Variants in CRBN observed in about 807,000 individuals in gnomAD.
CRBN encodes the protein protein cereblon.
In CRBN, 53 loss-of-function variants were observed where a neutral mutation model predicts 62.2. The observed-to-expected ratio is 0.85, with a 90% CI of 0.68 to 1.07. The LOEUF is 1.07. Ranked by LOEUF, CRBN falls within the 50% of genes least tolerant of loss-of-function variation. The pLI, the probability that CRBN is intolerant of heterozygous loss-of-function variation, is 0.00. For synonymous variants in CRBN, 208 were observed against 176.1 expected (o/e 1.18, Z -1.43); for missense variants, 616 against 531.1 (o/e 1.16, Z -1.57).
intron 4 of CRBN, among the ~76,000 whole-genome samples, chr3:3,171,231 G>A (rs781231023): frequency 6.6e-6 from 1 of 152,146 alleles, no homozygotes; most frequent in Non-Finnish European, 1.5e-5. Flanking sequence ...GACAGTCTGA[G>A]AAATATACTT....
At chr3:3,175,335 C>T (rs1707791552) in intron 1 of CRBN, 66 bp from the exon 2 acceptor site, 2 of 1,197,842 alleles carry the variant, frequency 1.7e-6, no homozygotes, top group African/African-American at 1.5e-5. Flanking sequence ...CATGTAATTC[C>T]TTCTTCAAAA....
chr3:3,151,216 TTTC>T (rs1706520685), intron 10 of CRBN, among the ~76,000 whole-genome samples, 171 bp from the exon 11 acceptor site: 3 of 152,206 alleles, frequency 2.0e-5, no homozygotes, highest in Admixed American at 1.3e-4. Flanking sequence ...CTAAAAACAT[TTTC>T]TAATTTTGTA....
intron 5 of CRBN, among the ~76,000 whole-genome samples, chr3:3,158,182 A>T (rs536319688): frequency 1.3e-5 from 2 of 152,302 alleles, no homozygotes; most frequent in East Asian, 3.9e-4. Context: ...TTATCATTAG[A>T]TTCTCATAAG....
chr3:3,175,641 T>G (rs1353160831), intron 1 of CRBN, among the ~76,000 whole-genome samples: 2 of 152,204 alleles, frequency 1.3e-5, no homozygotes. Context: ...TTTAAATGGA[T>G]TCCCTTAGTT....
At chr3:3,162,408 G>A (rs578233173) in intron 5 of CRBN, among the ~76,000 whole-genome samples, 1 of 152,160 alleles carries the variant, frequency 6.6e-6, no homozygotes, top group East Asian at 1.9e-4. Context: ...GATGGGAGAA[G>A]AAGTAAACAG....
intron 5 of CRBN, among the ~76,000 whole-genome samples, chr3:3,157,306 A>G (rs1317622971): frequency 6.6e-6 from 1 of 152,232 alleles, no homozygotes; most frequent in Non-Finnish European, 1.5e-5. Context: ...ATAGCAGAAT[A>G]TAAAGAATTA....
chr3:3,164,714 G>A (rs1707261577), intron 5 of CRBN, among the ~76,000 whole-genome samples: 1 of 152,178 alleles, frequency 6.6e-6, no homozygotes, highest in African/African-American at 2.4e-5. Context: ...AATGTACATG[G>A]TCACCCAGAA....
chr3:3,169,889 T>C (rs1707527780), intron 4 of CRBN, among the ~76,000 whole-genome samples: 1 of 37,992 alleles, frequency 2.6e-5, no homozygotes, highest in Non-Finnish European at 1.7e-4. Flanking sequence ...GTGAGACCTG[T>C]TTTTATTAAA....
chr3:3,167,661 T>C lies in CRBN; in HGVS notation c.660A>G (p.Ser220=), dbSNP rs773689851. Residue 220 remains serine, a synonymous_variant, in exon 5 of 11, where the codon TCA becomes TCG. Coordinates refer to ENST00000231948, the MANE Select transcript of CRBN (RefSeq NM_016302.4). ...SKPVSREDQC[S]YKWWQKYQKR... ...TCTGGTATTTCTGCCACCATTTATA[T>C]GAACATTGGTCTTCTCTTGAGACAG... 4.3e-6 allele frequency: 7 copies of C among 1,612,988 alleles called. No individual in the cohort carries two copies. The African/African-American group carries it at 8.0e-5, about 18-fold the overall frequency.
At chr3:3,168,492 G>GT (rs1394783841) in intron 4 of CRBN, among the ~76,000 whole-genome samples, 1 of 152,144 alleles carries the variant, frequency 6.6e-6, no homozygotes, top group East Asian at 1.9e-4. Flanking sequence ...CAGGAAGGTT[G>GT]TATCTATGAG....
At chr3:3,159,615 T>C (rs1333918562) in intron 5 of CRBN, among the ~76,000 whole-genome samples, 1 of 152,210 alleles carries the variant, frequency 6.6e-6, no homozygotes, top group African/African-American at 2.4e-5. Flanking sequence ...AGCTACAGTT[T>C]CAGGTAGCTT....
Position 3,167,799 on chromosome 3 carries a change from A to G in CRBN, c.528-6T>C, listed in dbSNP as rs1453809711. On this transcript the variant is annotated splice_polypyrimidine_tract_variant and splice_region_variant and intron_variant, in intron 4 of 10. Coordinates refer to ENST00000231948, the MANE Select transcript of CRBN (RefSeq NM_016302.4). Reference sequence around the variant, plus strand: ...GCACTTTAGCTTGCTGGATTCTAAAATAAAGAGAACCAAGCATGGTATTCA... The same window carrying G: ...GCACTTTAGCTTGCTGGATTCTAAAGTAAAGAGAACCAAGCATGGTATTCA... 2 of 1,613,128 alleles carry G rather than the reference A, an allele frequency of 1.2e-6. No individual in the cohort carries two copies. The highest frequency in any genetic ancestry group is 4.5e-5 in the East Asian group (2 of 44,822).
At chr3:3,153,890 C>T (rs3846135) in intron 8 of CRBN, 70 bp downstream of exon 8, 138,874 of 952,228 alleles carry the variant, frequency 0.15, 10,874 homozygotes, top group Admixed American at 0.24. Flanking sequence ...CTCCATTGGC[C>T]CCAACAGAGC....
intron 8 of CRBN, 192 bp from the exon 9 acceptor site, chr3:3,153,680 T>C (rs1163460788): frequency 4.8e-6 from 3 of 622,600 alleles, no homozygotes; most frequent in Admixed American, 5.6e-5. Context: ...CTGCCACATA[T>C]TTACATAAAA....
At chr3:3,176,049 A>C (rs1707814361) in intron 1 of CRBN, among the ~76,000 whole-genome samples, 1 of 152,008 alleles carries the variant, frequency 6.6e-6, no homozygotes, top group Admixed American at 6.5e-5. Flanking sequence ...TCCTTTTCAC[A>C]TTGTACCCTT....
Position 3,152,610 on chromosome 3 carries a change from A to G in CRBN, c.1017-23T>C, listed in dbSNP as rs113011046. On this transcript the variant is annotated intron_variant, in intron 9 of 10. Transcript: ENST00000231948. ...AAACTAAAACAAAGAATCAACATGGAGAACACGTCAAAACGAGAAGTCTAA... is the reference window on the plus strand; with the variant it reads ...AAACTAAAACAAAGAATCAACATGGGGAACACGTCAAAACGAGAAGTCTAA... The G allele has an allele frequency of 7.4e-6, 12 of 1,613,966 alleles. No individual in the cohort carries two copies. The Admixed American group carries it at 2.0e-4, about 27-fold the overall frequency.
chr3:3,176,297 T>C (rs1707820922), intron 1 of CRBN, among the ~76,000 whole-genome samples: 1 of 152,198 alleles, frequency 6.6e-6, no homozygotes, highest in Admixed American at 6.5e-5. Flanking sequence ...TCTCAAACTC[T>C]CAACTTCAAT....
chr3:3,166,632 T>C (rs1707362180), intron 5 of CRBN, among the ~76,000 whole-genome samples: 1 of 152,098 alleles, frequency 6.6e-6, no homozygotes, highest in Non-Finnish European at 1.5e-5. Context: ...CACTGTACCA[T>C]GAAACAGATC....
At position 3,152,820 on chromosome 3, in the gene CRBN, A is replaced by C. The variant is rs756200183; in HGVS notation, c.1017-233T>G. ...TGTTTTCTGTGATGACCCAAAGGAAATAGTACTTGTTTTTAAAACCCTCCT... is the reference window on the plus strand; with the variant it reads ...TGTTTTCTGTGATGACCCAAAGGAACTAGTACTTGTTTTTAAAACCCTCCT... On this transcript the variant is annotated intron_variant, in intron 9 of 10. Coordinates refer to ENST00000231948, the MANE Select transcript of CRBN (RefSeq NM_016302.4). 20 of 558,554 alleles carry C rather than the reference A, an allele frequency of 3.6e-5. 1 individual carries two copies. The highest frequency in any genetic ancestry group is 3.3e-4 in the South Asian group (16 of 48,436). The allele number at this position is 558,554 out of a possible 1,614,324, so 34.6% of individuals were successfully genotyped here. A position where few individuals can be genotyped will look rare whatever the true frequency, so the allele number is the denominator to read the frequency against.
Sources: gnomAD v4.1 joint callset for allele counts (sites outside exome capture counted in the v4.1 genomes callset) on GRCh38, gnomAD v4.1.1 for gene constraint, MANE v1.5 for transcripts, NCBI Gene and HGNC (gene_info 2026-07-23, HGNC 2026-07-21) for gene names.